CCP110: variants seen among roughly 807,000 people sequenced by gnomAD.
CCP110 encodes the protein centriolar coiled-coil protein of 110 kDa.
In CCP110, 43 loss-of-function variants were observed where a neutral mutation model predicts 105.5. That is an observed-to-expected ratio of 0.41 (90% CI 0.32 to 0.53). The LOEUF (loss-of-function observed/expected upper bound fraction) is 0.53. Among genes scored for constraint, CCP110 ranks in the 20% least tolerant of loss-of-function variants. The pLI, the probability that CCP110 is intolerant of heterozygous loss-of-function variation, is 0.32. For missense variants in CCP110, 1,016 were observed against 1,189.1 expected (o/e 0.85, Z 2.14); for synonymous variants, 353 against 392.1 (o/e 0.90, Z 1.18).
chr16:19,536,742 C>T (rs1284147343), exon 4 of CCP110: 16 of 1,614,138 alleles, frequency 9.9e-6, no homozygotes, highest in Non-Finnish European at 1.3e-5. Flanking sequence ...AAAAGTCTTA[C>T]AGGTTCATAT....
rs745500763 is a variant in CCP110 at position 19,536,987 on chromosome 16, G to T, written c.1318G>T (p.Val440Phe). 3.3e-5 allele frequency: 53 copies of T among 1,614,082 alleles called. 1 individual carries two copies. The South Asian group carries it at 5.7e-4, about 17-fold the overall frequency. ...TTTAGCGGGAGTTTGTTCAAGCAAGGTTTATGTGGGCAAAAATACATCTGA... is the reference window on the plus strand; with the variant it reads ...TTTAGCGGGAGTTTGTTCAAGCAAGTTTTATGTGGGCAAAAATACATCTGA... The change falls in exon 4 of 15, where the codon GTT becomes TTT. Residue 440 changes from valine (V) to phenylalanine (F), a missense_variant. Coordinates refer to ENST00000381396, the Ensembl canonical transcript of CCP110.
At chr16:19,536,027 C>T (rs1970038863) in exon 4 of CCP110, 1 of 1,613,464 alleles carries the variant, frequency 6.2e-7, no homozygotes, top group Non-Finnish European at 8.5e-7. Context: ...CTTGAATGTT[C>T]CTGCTACATT....
chr16:19,525,085 C>T (rs1597244989), intron 1 of CCP110: 1 of 152,224 alleles, frequency 6.6e-6, no homozygotes, highest in East Asian at 1.9e-4. Flanking sequence ...AGAAATCTTC[C>T]CCTTTACCGC....
chr16:19,544,704 AT>A (rs1970401968), intron 8 of CCP110, 92 bp from the exon 9 acceptor site: 1 of 713,124 alleles, frequency 1.4e-6, no homozygotes, highest in African/African-American at 1.8e-5. Flanking sequence ...AAAGACTGTA[AT>A]TTTGGATTGA....
At chr16:19,527,339 G>C (rs1969707626) in intron 1 of CCP110, among the ~76,000 whole-genome samples, 1 of 149,964 alleles carries the variant, frequency 6.7e-6, no homozygotes, top group Non-Finnish European at 1.5e-5. Context: ...ATCCAGTTTG[G>C]GCAACATAGT....
chr16:19,546,859 C>T lies in CCP110; in HGVS notation c.2840+385C>T, dbSNP rs73529806. 5.2e-3 allele frequency: 820 copies of T among 159,100 alleles called. 8 individuals carry two copies. Among genetic ancestry groups the T allele is most frequent in the African/African-American group, 0.018 (750 of 41,356 alleles). The allele number at this position is 159,100 out of a possible 1,614,324, so 9.9% of individuals were successfully genotyped here. A position where few individuals can be genotyped will look rare whatever the true frequency, so the allele number is the denominator to read the frequency against. ...AGTTAAAAAATTAAAATTTAAATCC[C>T]AAACTTCATTTTTGTTGACTTTGTT... On this transcript the variant is annotated intron_variant, in intron 12 of 14. Transcript: ENST00000381396.
At chr16:19,547,880 T>A (rs1970513679) in intron 12 of CCP110, 75 bp from the exon 13 acceptor site, 5 of 1,035,380 alleles carry the variant, frequency 4.8e-6, no homozygotes, top group Non-Finnish European at 4.6e-6. Flanking sequence ...GTCATCATCT[T>A]TCATCCGTTG....
chr16:19,551,025 A>T (rs1211843530), intron 14 of CCP110, among the ~76,000 whole-genome samples, 171 bp from the exon 14 acceptor site: 1 of 152,182 alleles, frequency 6.6e-6, no homozygotes, highest in Non-Finnish European at 1.5e-5. Flanking sequence ...CAGTTTTATT[A>T]TCCTTAAAAT....
chr16:19,544,872 T>C, exon 9 of CCP110: 1 of 1,597,524 alleles, frequency 6.3e-7, no homozygotes, highest in East Asian at 2.2e-5. Flanking sequence ...TCAAGATGCT[T>C]CACTTCAGGA....
chr16:19,533,279 G>A (rs1969939004), intron 3 of CCP110, among the ~76,000 whole-genome samples: 1 of 152,134 alleles, frequency 6.6e-6, no homozygotes, highest in African/African-American at 2.4e-5. Flanking sequence ...TTCTCTGTTG[G>A]TAGTGTAAAC....
chr16:19,540,394 A>G (rs2285660), intron 4 of CCP110, among the ~76,000 whole-genome samples: 19,795 of 152,222 alleles, frequency 0.13, 1,443 homozygotes, highest in Admixed American at 0.19. Context: ...TTGTCTGAAT[A>G]TATAGTCCTG....
intron 3 of CCP110, 84 bp from the exon 4 acceptor site, chr16:19,535,856 A>G: frequency 2.0e-6 from 2 of 984,724 alleles, no homozygotes; most frequent in South Asian, 1.9e-5. Flanking sequence ...TGAATTTTCA[A>G]TTTCAATTTT....
chr16:19,540,421 T>C (rs1488584517), intron 4 of CCP110, among the ~76,000 whole-genome samples: 1 of 152,166 alleles, frequency 6.6e-6, no homozygotes, highest in Non-Finnish European at 1.5e-5. Flanking sequence ...TCATTTCAGA[T>C]CAGGATGGGA....
exon 4 of CCP110, chr16:19,537,169 G>A (rs564520797): frequency 2.4e-5 from 38 of 1,614,064 alleles, no homozygotes; most frequent in Non-Finnish European, 2.8e-5. Context: ...CCTGTGCTGC[G>A]ATGCCAAAGC....
intron 6 of CCP110, 72 bp from the exon 7 acceptor site, chr16:19,542,549 G>A (rs946055710): frequency 1.7e-6 from 2 of 1,149,568 alleles, no homozygotes; most frequent in African/African-American, 1.5e-5. Flanking sequence ...AGTGTCACAA[G>A]TGTTTATTGG....
At chr16:19,530,557 G>C (rs186162791) in intron 2 of CCP110, among the ~76,000 whole-genome samples, 87 of 151,632 alleles carry the variant, frequency 5.7e-4, no homozygotes, top group African/African-American at 2.0e-3. Flanking sequence ...GAGGCAGGAG[G>C]ATCCCTTGAA....
chr16:19,542,945 G>T (rs756544114), exon 8 of CCP110: 1 of 1,612,798 alleles, frequency 6.2e-7, no homozygotes. Flanking sequence ...TTTCTTACTC[G>T]TAGACTTATG....
At chr16:19,551,486 T>G in exon 15 of CCP110, 5 of 529,960 alleles carry the variant, frequency 9.4e-6, no homozygotes. Context: ...ATCATCTCTG[T>G]GCTTACCTAT....
intron 2 of CCP110, among the ~76,000 whole-genome samples, chr16:19,530,466 CG>C (rs1415263999): frequency 6.6e-6 from 1 of 151,284 alleles, no homozygotes; most frequent in Non-Finnish European, 1.5e-5. Context: ...GCCAACATGA[CG>C]AAACCCCGTC....
Sources: gnomAD v4.1 joint callset for allele counts (sites outside exome capture counted in the v4.1 genomes callset) on GRCh38, gnomAD v4.1.1 for gene constraint, MANE v1.5 for transcripts, NCBI Gene and HGNC (gene_info 2026-07-23, HGNC 2026-07-21) for gene names.